Variants in SPATA17 observed in about 807,000 individuals in gnomAD.
SPATA17 encodes the protein spermatogenesis associated 17.
Under a neutral mutation model 62.2 loss-of-function variants are expected in SPATA17, and 53 were observed. The ratio of observed to expected loss-of-function variants is 0.85; its 90% CI spans 0.68 to 1.07. The LOEUF is 1.07. Ranked by LOEUF, SPATA17 falls within the 50% of genes least tolerant of loss-of-function variation. The probability of loss-of-function intolerance (pLI) is 0.00; values close to 1 mark genes in which losing one functional copy is unlikely to be tolerated. For missense variants in SPATA17, 466 were observed against 425.5 expected, an observed-to-expected ratio of 1.10 and a Z score of -0.84; for synonymous variants, 146 against 146.8, an observed-to-expected ratio of 0.99 and a Z score of 0.04.
intron 8 of SPATA17, among the ~76,000 whole-genome samples, chr1:217,792,220 T>C (rs1415242034): frequency 6.6e-6 from 1 of 152,168 alleles, no homozygotes; most frequent in Non-Finnish European, 1.5e-5. Context: ...GTCTGGATGG[T>C]GTGGTCAGAG....
chr1:217,793,984 C>T (rs532861081), intron 8 of SPATA17, among the ~76,000 whole-genome samples: 3 of 151,900 alleles, frequency 2.0e-5, no homozygotes, highest in African/African-American at 4.8e-5. Flanking sequence ...GGTGTGGTGG[C>T]GGGCGCCTGT....
At chr1:217,717,606 C>T (rs2102931494) in intron 5 of SPATA17, among the ~76,000 whole-genome samples, 1 of 152,076 alleles carries the variant, frequency 6.6e-6, no homozygotes, top group Non-Finnish European at 1.5e-5. Context: ...GATACTCTAT[C>T]TCAAAATAAT....
At chr1:217,855,710 G>A (rs1045595955) in intron 9 of SPATA17, among the ~76,000 whole-genome samples, 1 of 146,398 alleles carries the variant, frequency 6.8e-6, no homozygotes, top group Non-Finnish European at 1.5e-5. Flanking sequence ...AACTAAATAA[G>A]AGAAAGACAG....
rs552662716 is a variant in SPATA17, at chr1:217,681,993, G to A, written c.292-1265G>A. Among the ~76,000 whole-genome samples the A allele has an allele frequency of 2.6e-5, 4 of 151,766 alleles. No homozygotes were observed. In the East Asian group the frequency reaches 5.8e-4, roughly 22 times the overall value. On this transcript the variant is annotated intron_variant, in intron 4 of 10. Coordinates refer to ENST00000366933, the MANE Select transcript of SPATA17 (RefSeq NM_138796.4). ...TAGCCTAGCAAACTGTGCCAAAATCGGGAAGACTTCATATCCAAAAAGGGA... is the reference window on the plus strand; with the variant it reads ...TAGCCTAGCAAACTGTGCCAAAATCAGGAAGACTTCATATCCAAAAAGGGA...
At chr1:217,783,361 G>A (rs879419562) in intron 8 of SPATA17, among the ~76,000 whole-genome samples, 12 of 151,728 alleles carry the variant, frequency 7.9e-5, no homozygotes, top group Admixed American at 7.9e-4. Flanking sequence ...AAATTGGCAG[G>A]CATCTCAAGT....
At chr1:217,865,447 A>G (rs960458916) in intron 10 of SPATA17, among the ~76,000 whole-genome samples, 2 of 152,164 alleles carry the variant, frequency 1.3e-5, no homozygotes, top group African/African-American at 4.8e-5. Context: ...AACCACTGAA[A>G]AATACACGGA....
chr1:217,676,827 A>G (rs1324210642), intron 4 of SPATA17, among the ~76,000 whole-genome samples: 1 of 152,272 alleles, frequency 6.6e-6, no homozygotes, highest in East Asian at 1.9e-4. Context: ...TCTTAGTTTC[A>G]AAGATCTATG....
At chr1:217,723,653 T>A (rs939748038) in intron 5 of SPATA17, among the ~76,000 whole-genome samples, 4 of 152,170 alleles carry the variant, frequency 2.6e-5, no homozygotes, top group African/African-American at 9.7e-5. Flanking sequence ...TAGAACTAAA[T>A]GGGTCTGAGG....
Position 217,782,232 on chromosome 1 carries a change from C to T in SPATA17, c.782C>T (p.Thr261Met), listed in dbSNP as rs148098301. Reference sequence around the variant, plus strand: ...CAACGCTACAGGCCTTTGGAGCCAACGTTGCGGGTGGCAGAACCAATCGAT... The same window carrying T: ...CAACGCTACAGGCCTTTGGAGCCAATGTTGCGGGTGGCAGAACCAATCGAT... ...LEQRYRPLEPTLRVAEPIDEL... is the reference protein window; with the variant it reads ...LEQRYRPLEPMLRVAEPIDEL... Residue 261 changes from threonine (T) to methionine (M), a missense_variant, in exon 8 of 11, where the codon ACG becomes ATG. By Grantham distance (81) the Thr-to-Met change is moderately conservative. Transcript: ENST00000366933. The T allele has an allele frequency of 6.0e-5, 96 of 1,612,398 alleles. No individual in the cohort carries two copies. The highest frequency in any genetic ancestry group is 3.3e-4 in the Middle Eastern group (2 of 6,052).
intron 5 of SPATA17, among the ~76,000 whole-genome samples, chr1:217,687,649 G>T (rs1309897336): frequency 6.6e-6 from 1 of 152,156 alleles, no homozygotes; most frequent in African/African-American, 2.4e-5. Flanking sequence ...GCTATACCTA[G>T]GTGTGTAGTA....
intron 9 of SPATA17, among the ~76,000 whole-genome samples, chr1:217,805,033 A>G (rs886967396): frequency 3.9e-5 from 6 of 152,190 alleles, no homozygotes; most frequent in African/African-American, 1.4e-4. Flanking sequence ...ATTTCTGGGT[A>G]TAGATCAAAG....
intron 1 of SPATA17, among the ~76,000 whole-genome samples, chr1:217,634,919 TTG>T (rs1669903813): frequency 6.6e-6 from 1 of 152,082 alleles, no homozygotes; most frequent in Admixed American, 6.5e-5. Flanking sequence ...GTTGTTGTTG[TTG>T]TTGTTGTTGT....
At chr1:217,850,966 G>A (rs12748013) in intron 9 of SPATA17, among the ~76,000 whole-genome samples, 20,451 of 152,046 alleles carry the variant, frequency 0.13, 1,871 homozygotes, top group African/African-American at 0.25. Context: ...TTTAATTTAC[G>A]TCTGAAGAGA....
rs369961387 is a variant in SPATA17 at position 217,715,816 on chromosome 1, C to G, written c.396-26159C>G. Among the ~76,000 whole-genome samples, 62 of 152,174 alleles carry G rather than the reference C, an allele frequency of 4.1e-4. No homozygotes were observed. The South Asian group carries it at 0.013, about 31-fold the overall frequency. ...CGCTGTTATACTGTCAGTGTTTGTT[C>G]CCAGTGATGATCATCAGAATCCAGA... On this transcript the variant is annotated intron_variant, in intron 5 of 10. Coordinates refer to ENST00000366933, the MANE Select transcript of SPATA17 (RefSeq NM_138796.4).
At chr1:217,703,578 C>T (rs1671653363) in intron 5 of SPATA17, among the ~76,000 whole-genome samples, 1 of 152,044 alleles carries the variant, frequency 6.6e-6, no homozygotes, top group Non-Finnish European at 1.5e-5. Context: ...TTTTTCTTTA[C>T]TTTTGTAATG....
intron 9 of SPATA17, among the ~76,000 whole-genome samples, chr1:217,815,429 C>T (rs1292454395): frequency 1.3e-5 from 2 of 152,128 alleles, no homozygotes; most frequent in Non-Finnish European, 2.9e-5. Context: ...AACCATTTAG[C>T]AGCAGCGTGT....
intron 9 of SPATA17, among the ~76,000 whole-genome samples, chr1:217,819,622 C>T (rs1198265031): frequency 6.6e-6 from 1 of 152,022 alleles, no homozygotes; most frequent in Non-Finnish European, 1.5e-5. Context: ...AGCTTTCTCT[C>T]CCCTTGCATT....
intron 9 of SPATA17, among the ~76,000 whole-genome samples, chr1:217,836,433 G>A (rs1163472807): frequency 6.6e-6 from 1 of 152,126 alleles, no homozygotes; most frequent in Admixed American, 6.6e-5. Context: ...AGTAGAAACG[G>A]ACAAAAGCTG....
At chr1:217,775,771 C>T (rs1007655301) in intron 7 of SPATA17, among the ~76,000 whole-genome samples, 12 of 151,032 alleles carry the variant, frequency 7.9e-5, no homozygotes, top group Admixed American at 2.0e-4. Flanking sequence ...ATTTTTTTGA[C>T]CAGAGGAAAA....
Sources: gnomAD v4.1 joint callset for allele counts (sites outside exome capture counted in the v4.1 genomes callset) on GRCh38, gnomAD v4.1.1 for gene constraint, MANE v1.5 for transcripts, NCBI Gene and HGNC (gene_info 2026-07-23, HGNC 2026-07-21) for gene names.